Variants in FAM120A observed in about 807,000 individuals in gnomAD.
The protein encoded by FAM120A is family with sequence similarity 120 member A.
In FAM120A, 15 loss-of-function variants were observed where a neutral mutation model predicts 109.7. The observed-to-expected ratio is 0.14, with a 90% CI of 0.09 to 0.21. The LOEUF is 0.21. FAM120A is among the 10% of genes least tolerant of loss of function. The pLI is 1.00. For synonymous variants in FAM120A, 493 were observed against 572.8 expected (o/e 0.86, Z 1.99); for missense variants, 899 against 1,439.3 (o/e 0.62, Z 6.07).
At position 93,527,664 on chromosome 9, in the gene FAM120A, C is replaced by A. The variant is rs1184220355; in HGVS notation, c.1506+422C>A. On this transcript the variant is annotated intron_variant, in intron 8 of 17. Coordinates refer to ENST00000277165, the MANE Select transcript of FAM120A (RefSeq NM_014612.5). ...TTGAGATGGAGTCTTGCTCTGTCAC[C>A]CAGGCTGGAGTACAGTGGCGTGATC... Among the ~76,000 whole-genome samples, 130 of 126,144 alleles carry A rather than the reference C, an allele frequency of 1.0e-3. 1 individual carries two copies. The highest frequency in any genetic ancestry group is 3.6e-3 in the African/African-American group (129 of 36,094). 82.8% of individuals were successfully genotyped at this position (126,144 alleles called of 152,430 possible).
In FAM120A at chr9:93,527,275, C is replaced by T. The variant is rs777253102; in HGVS notation, c.1506+33C>T. The T allele has an allele frequency of 2.0e-6, 3 of 1,531,068 alleles. No individual in the cohort carries two copies. The South Asian group carries it at 3.4e-5, about 17-fold the overall frequency. The allele number at this position is 1,531,068 out of a possible 1,614,324, so 94.8% of individuals were successfully genotyped here. On this transcript the variant is annotated intron_variant, in intron 8 of 17. Transcript: ENST00000277165. ...GTCTATGCCTTTTAGTTTTTGAGTT[C>T]TGACTCATTTTGTATTAGCACACTG...
intron 5 of FAM120A, among the ~76,000 whole-genome samples, chr9:93,503,258 T>G (rs1859882217): frequency 6.6e-6 from 1 of 152,198 alleles, no homozygotes; most frequent in Admixed American, 6.5e-5. Flanking sequence ...AGTTGAAAAC[T>G]TATGTCTACG....
chr9:93,471,812 T>A (rs1010488021), intron 2 of FAM120A, among the ~76,000 whole-genome samples: 3 of 152,208 alleles, frequency 2.0e-5, no homozygotes, highest in Non-Finnish European at 4.4e-5. Flanking sequence ...CTCACTACTT[T>A]AAAAGAGAAA....
intron 16 of FAM120A, 70 bp downstream of exon 16, chr9:93,561,320 G>A (rs1044447876): frequency 6.9e-7 from 1 of 1,453,930 alleles, no homozygotes. Flanking sequence ...CTTTTTTTTG[G>A]AAGTTTAAGT....
chr9:93,548,861 A>G (rs1434975074), intron 11 of FAM120A, among the ~76,000 whole-genome samples: 1 of 151,992 alleles, frequency 6.6e-6, no homozygotes, highest in East Asian at 1.9e-4. Flanking sequence ...TGGCCAACAC[A>G]GTGAAACCCT....
At chr9:93,485,474 G>A (rs1859002802) in intron 3 of FAM120A, among the ~76,000 whole-genome samples, 1 of 152,156 alleles carries the variant, frequency 6.6e-6, no homozygotes, top group Non-Finnish European at 1.5e-5. Flanking sequence ...GCATACCCCT[G>A]TAGTCCCAAC....
chr9:93,509,895 A>C (rs1860234960), intron 5 of FAM120A, among the ~76,000 whole-genome samples: 1 of 152,230 alleles, frequency 6.6e-6, no homozygotes, highest in Non-Finnish European at 1.5e-5. Context: ...TTCTCACCTC[A>C]TACATATGGA....
At chr9:93,480,548 C>T (rs1004748827) in intron 3 of FAM120A, among the ~76,000 whole-genome samples, 3 of 152,038 alleles carry the variant, frequency 2.0e-5, no homozygotes, top group Admixed American at 2.0e-4. Context: ...GTTTATCTTA[C>T]TTTGCTCTAA....
intron 3 of FAM120A, among the ~76,000 whole-genome samples, chr9:93,483,451 C>T (rs1017594445): frequency 1.3e-5 from 2 of 151,720 alleles, no homozygotes; most frequent in African/African-American, 4.8e-5. Flanking sequence ...TTTGACTGAA[C>T]CCTCTGATTT....
At chr9:93,459,571 C>T (rs1402216839) in intron 1 of FAM120A, among the ~76,000 whole-genome samples, 1 of 152,196 alleles carries the variant, frequency 6.6e-6, no homozygotes, top group African/African-American at 2.4e-5. Context: ...AGCCTATAGC[C>T]TCTGGGTTGA....
At chr9:93,478,335 G>C (rs575410665) in intron 3 of FAM120A, among the ~76,000 whole-genome samples, 1 of 150,538 alleles carries the variant, frequency 6.6e-6, no homozygotes, top group East Asian at 1.9e-4. Context: ...TTTGATATTA[G>C]CTGAGTACTT....
intron 2 of FAM120A, among the ~76,000 whole-genome samples, chr9:93,475,384 A>G (rs1288596333): frequency 6.6e-6 from 1 of 152,140 alleles, no homozygotes; most frequent in Non-Finnish European, 1.5e-5. Context: ...TGCTCAACCT[A>G]TATTATAACG....
chr9:93,549,607 C>G (rs118153813), intron 11 of FAM120A, among the ~76,000 whole-genome samples: 3 of 152,224 alleles, frequency 2.0e-5, no homozygotes, highest in Non-Finnish European at 4.4e-5. Context: ...ATTTTAAGCA[C>G]TGAGCAAACT....
At chr9:93,550,147 A>G (rs2131542440) in intron 11 of FAM120A, among the ~76,000 whole-genome samples, 1 of 152,336 alleles carries the variant, frequency 6.6e-6, no homozygotes, top group South Asian at 2.1e-4. Context: ...CAGAGTGGCC[A>G]GGCAATGGTC....
Position 93,452,795 on chromosome 9 carries a change from C to T in FAM120A, c.474+406C>T. ...AATTTAGCCTGTTCTTTCCCAGCAA[C>T]AGGTTCATCTTGGAAGCAGGCAGGA... On this transcript the variant is annotated intron_variant, in intron 1 of 17. Coordinates refer to ENST00000277165, the MANE Select transcript of FAM120A (RefSeq NM_014612.5). The surrounding 1 kb of genome is among the most constrained non-coding windows in gnomAD (Gnocchi z 7.0). 1.9e-6 allele frequency: 3 copies of T among 1,590,636 alleles called. No individual in the cohort carries two copies. The highest frequency in any genetic ancestry group is 2.5e-6 in the Non-Finnish European group (3 of 1,176,830).
intron 17 of FAM120A, among the ~76,000 whole-genome samples, chr9:93,562,660 T>C (rs1168201568): frequency 6.7e-6 from 1 of 149,244 alleles, no homozygotes; most frequent in Non-Finnish European, 1.5e-5. Context: ...TCTTTCTTTC[T>C]TTTTCTTTTT....
intron 11 of FAM120A, among the ~76,000 whole-genome samples, chr9:93,549,322 T>C (rs1244769974): frequency 1.3e-5 from 2 of 152,232 alleles, no homozygotes; most frequent in Non-Finnish European, 2.9e-5. Context: ...CTCTCTGTGC[T>C]TCAGTTTCCC....
At chr9:93,480,817 C>T (rs1858767133) in intron 3 of FAM120A, among the ~76,000 whole-genome samples, 2 of 152,126 alleles carry the variant, frequency 1.3e-5, no homozygotes, top group Non-Finnish European at 2.9e-5. Flanking sequence ...ATTGTATTTA[C>T]AGTAATGAAA....
At chr9:93,562,406 A>AGG in intron 17 of FAM120A, 102 bp downstream of exon 17, 1 of 831,574 alleles carries the variant, frequency 1.2e-6, no homozygotes, top group South Asian at 1.5e-5. Flanking sequence ...AAGAGCTGTG[A>AGG]GGGTAATGCT....
Sources: gnomAD v4.1 joint callset for allele counts (sites outside exome capture counted in the v4.1 genomes callset) on GRCh38, gnomAD v4.1.1 for gene constraint, Gnocchi (gnomAD v3.1) non-coding constraint, MANE v1.5 for transcripts, NCBI Gene and HGNC (gene_info 2026-07-23, HGNC 2026-07-21) for gene names.